Variants in AMDHD1 observed in about 807,000 individuals in gnomAD.
AMDHD1 encodes amidohydrolase domain containing 1.
AMDHD1 carries 45 observed loss-of-function variants against 44.1 expected under a neutral mutation model. The observed-to-expected ratio is 1.02, with a 90% confidence interval of 0.80 to 1.31. The LOEUF is 1.31. Ranked by LOEUF, AMDHD1 falls within the 50% of genes most tolerant of loss-of-function variation. The probability of loss-of-function intolerance (pLI) is 0.00; values close to 1 mark genes in which losing one functional copy is unlikely to be tolerated. For missense variants in AMDHD1, 586 were observed against 552.1 expected (o/e 1.06, Z -0.61); for synonymous variants, 206 against 205.0 (o/e 1.00, Z -0.04).
chr12:95,966,601 ACT>A (rs1228279740), intron 8 of AMDHD1, 93 bp downstream of exon 8: 1 of 1,474,916 alleles, frequency 6.8e-7, no homozygotes, highest in Non-Finnish European at 9.3e-7. Flanking sequence ...TTAGTGTCAG[ACT>A]CTGTCTGGAC....
In AMDHD1 at chr12:95,956,780, C is replaced by T. The variant is rs369034222; in HGVS notation, c.405C>T (p.Phe135=). The part of the protein sequence containing the change: ...RTRQATEEEL[F]RSLQQRLQCM... ...GCCAAGCCACAGAGGAGGAGCTGTT[C>T]CGCTCCTTGCAGCAACGGCTCCAGT... Residue 135 remains phenylalanine, a synonymous_variant, in exon 4 of 9, where the codon TTC becomes TTT. Coordinates refer to ENST00000266736, the MANE Select transcript of AMDHD1 (RefSeq NM_152435.3). 1 of 1,614,232 alleles carries T rather than the reference C, an allele frequency of 6.2e-7. No individual in the cohort carries two copies. The highest frequency in any genetic ancestry group is 2.2e-5 in the East Asian group (1 of 44,888).
chr12:95,963,769 C>T (rs1485598359), intron 6 of AMDHD1, among the ~76,000 whole-genome samples: 1 of 152,090 alleles, frequency 6.6e-6, no homozygotes, highest in Non-Finnish European at 1.5e-5. Context: ...GTGGCTCACG[C>T]CTGTAATCCC....
intron 5 of AMDHD1, among the ~76,000 whole-genome samples, 170 bp downstream of exon 5, chr12:95,960,793 T>G (rs2080577632): frequency 6.6e-6 from 1 of 152,216 alleles, no homozygotes; most frequent in Non-Finnish European, 1.5e-5. Flanking sequence ...TGACCTCTAT[T>G]AAAAACTTAC....
intron 4 of AMDHD1, among the ~76,000 whole-genome samples, chr12:95,958,149 C>T (rs35841531): frequency 0.16 from 24,416 of 151,886 alleles, 2,265 homozygotes; most frequent in East Asian, 0.42. Flanking sequence ...ATGGCTAAAT[C>T]GAACTAATTA....
At position 95,967,993 on chromosome 12, in the gene AMDHD1, G is replaced by A. The variant is rs1027511819; in HGVS notation, c.*150G>A. The A allele has an allele frequency of 1.6e-5, 9 of 553,296 alleles. No homozygotes were observed. The South Asian group carries it at 2.4e-4, about 15-fold the overall frequency. 34.3% of individuals were successfully genotyped at this position (553,296 alleles called of 1,614,324 possible). On this transcript the variant is annotated 3_prime_UTR_variant, in exon 9 of 9. Coordinates refer to ENST00000266736, the MANE Select transcript of AMDHD1 (RefSeq NM_152435.3). ...TTTAAGTCACTCAAAAAACCCAAGG[G>A]ATAGATTTATTTTCATTTAACACAT...
At chr12:95,950,218 G>T (rs1032572203) in intron 1 of AMDHD1, among the ~76,000 whole-genome samples, 1 of 152,218 alleles carries the variant, frequency 6.6e-6, no homozygotes, top group Non-Finnish European at 1.5e-5. Flanking sequence ...TGTTAGTGAT[G>T]AAGAATTGTC....
intron 1 of AMDHD1, among the ~76,000 whole-genome samples, chr12:95,944,978 A>G (rs763766418): frequency 6.6e-6 from 1 of 152,064 alleles, no homozygotes; most frequent in Admixed American, 6.6e-5. Context: ...TACTAAAAAT[A>G]CAAACATTAG....
intron 1 of AMDHD1, among the ~76,000 whole-genome samples, chr12:95,946,668 C>T (rs1417799875): frequency 7.8e-5 from 1 of 12,856 alleles, no homozygotes. Context: ...GTCTCCCTCT[C>T]ATGCGGAGCC....
intron 7 of AMDHD1, among the ~76,000 whole-genome samples, 187 bp downstream of exon 7, chr12:95,965,966 T>C (rs1036214295): frequency 6.6e-6 from 1 of 152,200 alleles, no homozygotes; most frequent in Non-Finnish European, 1.5e-5. Flanking sequence ...CCTGCAGGCA[T>C]AGAGAGAGGA....
chr12:95,967,612 G>GT (rs2080617868), intron 8 of AMDHD1, 144 bp from the exon 9 acceptor site: 1 of 621,330 alleles, frequency 1.6e-6, no homozygotes, highest in Non-Finnish European at 2.7e-6. Flanking sequence ...GTTATATACG[G>GT]TTTTTTAGAA....
Position 95,948,508 on chromosome 12 carries a change from C to A in AMDHD1, c.138-4209C>A, listed in dbSNP as rs2080511524. Among the ~76,000 whole-genome samples, 2 of 78,114 alleles carry A rather than the reference C, an allele frequency of 2.6e-5. 1 individual carries two copies. Among genetic ancestry groups the A allele is most frequent in the South Asian group, 9.6e-4 (2 of 2,092 alleles). 51.2% of individuals were successfully genotyped at this position (78,114 alleles called of 152,430 possible). A position where few individuals can be genotyped will look rare whatever the true frequency, so the allele number is the denominator to read the frequency against. ...GGGAGGTGGGGGTGTCAGCCCCCCGCCCGGCCAGCTGCCCCGTCCGGGAGG... is the reference window on the plus strand; with the variant it reads ...GGGAGGTGGGGGTGTCAGCCCCCCGACCGGCCAGCTGCCCCGTCCGGGAGG... On this transcript the variant is annotated intron_variant, in intron 1 of 8. Transcript: ENST00000266736.
intron 1 of AMDHD1, among the ~76,000 whole-genome samples, chr12:95,944,848 A>G (rs376228157): frequency 4.6e-5 from 7 of 152,182 alleles, no homozygotes; most frequent in South Asian, 4.1e-4. Flanking sequence ...AATTATATCA[A>G]TGCGACCAGG....
At chr12:95,964,403 A>T (rs10777757) in intron 6 of AMDHD1, among the ~76,000 whole-genome samples, 81,291 of 151,988 alleles carry the variant, frequency 0.53, 22,353 homozygotes, top group African/African-American at 0.66. Flanking sequence ...ATTTTATGTA[A>T]ATTTGCATGT....
At chr12:95,967,387 T>G (rs2080616794) in intron 8 of AMDHD1, among the ~76,000 whole-genome samples, 1 of 152,214 alleles carries the variant, frequency 6.6e-6, no homozygotes, top group East Asian at 1.9e-4. Flanking sequence ...GTAAATCCTA[T>G]GGCTACTTGA....
intron 8 of AMDHD1, among the ~76,000 whole-genome samples, chr12:95,967,447 C>T (rs942282146): frequency 4.6e-5 from 7 of 152,218 alleles, no homozygotes; most frequent in Non-Finnish European, 8.8e-5. Context: ...CCAGAGACAC[C>T]TGCTTTAAAA....
chr12:95,965,951 A>C (rs2080608053), intron 7 of AMDHD1, among the ~76,000 whole-genome samples, 172 bp downstream of exon 7: 1 of 152,242 alleles, frequency 6.6e-6, no homozygotes, highest in South Asian at 2.1e-4. Flanking sequence ...TGTCCCACAT[A>C]AATGCCTGCA....
intron 7 of AMDHD1, among the ~76,000 whole-genome samples, chr12:95,966,120 G>A (rs986712630): frequency 6.6e-6 from 1 of 152,184 alleles, no homozygotes; most frequent in Non-Finnish European, 1.5e-5. Context: ...TGCAGTAAGT[G>A]GTCTTGAAAA....
chr12:95,945,833 G>C (rs553173671), intron 1 of AMDHD1, among the ~76,000 whole-genome samples: 1 of 151,808 alleles, frequency 6.6e-6, no homozygotes, highest in East Asian at 1.9e-4. Flanking sequence ...GTCCTGATTA[G>C]AATGAATCTC....
chr12:95,963,512 C>T (rs950194285), intron 6 of AMDHD1, among the ~76,000 whole-genome samples: 2 of 152,128 alleles, frequency 1.3e-5, no homozygotes, highest in African/African-American at 2.4e-5. Context: ...CTCAAATCTA[C>T]TATGATTTTA....
Sources: gnomAD v4.1 joint callset for allele counts (sites outside exome capture counted in the v4.1 genomes callset) on GRCh38, gnomAD v4.1.1 for gene constraint, MANE v1.5 for transcripts, NCBI Gene and HGNC (gene_info 2026-07-23, HGNC 2026-07-21) for gene names.